The following ADNP variants were observed in gnomAD, a reference collection of about 807,000 sequenced individuals.
The protein encoded by ADNP is activity-dependent neuroprotector homeobox protein.
Under a neutral mutation model 84.9 loss-of-function variants are expected in ADNP, and 4 were observed. That is an observed-to-expected ratio of 0.05 (90% CI 0.02 to 0.11). The LOEUF (loss-of-function observed/expected upper bound fraction) is 0.11. Among genes scored for constraint, ADNP ranks in the 10% least tolerant of loss-of-function variants. The pLI is 1.00. For missense variants in ADNP, 1,132 were observed against 1,326.0 expected (o/e 0.85, Z 2.27); for synonymous variants, 554 against 468.1 (o/e 1.18, Z -2.37).
Position 50,930,978 on chromosome 20 carries a change from C to G in ADNP, c.-417G>C, listed in dbSNP as rs934685643. On this transcript the variant is annotated 5_prime_UTR_variant, in exon 1 of 6. Coordinates refer to ENST00000621696, the MANE Select transcript of ADNP (RefSeq NM_001282531.3). Reference sequence around the variant, plus strand: ...CGCTCCGGCTCGGCGGACTCCGGCTCGCGCCGCGGCCGCGGGTGCTGCCGG... The same window carrying G: ...CGCTCCGGCTCGGCGGACTCCGGCTGGCGCCGCGGCCGCGGGTGCTGCCGG... 64 of 144,492 alleles carry G rather than the reference C, an allele frequency of 4.4e-4. No individual in the cohort carries two copies. Among genetic ancestry groups the G allele is most frequent in the African/African-American group, 1.5e-3 (60 of 39,868 alleles). 9.0% of individuals were successfully genotyped at this position (144,492 alleles called of 1,614,324 possible). A position where few individuals can be genotyped will look rare whatever the true frequency, so the allele number is the denominator to read the frequency against.
chr20:50,901,444 T>C (rs1471077923), intron 5 of ADNP, among the ~76,000 whole-genome samples: 1 of 151,224 alleles, frequency 6.6e-6, no homozygotes, highest in Non-Finnish European at 1.5e-5. Context: ...TAGGTAATGG[T>C]AAAAATTAAA....
chr20:50,920,134 G>A (rs533269302), intron 2 of ADNP, among the ~76,000 whole-genome samples: 39 of 149,052 alleles, frequency 2.6e-4, no homozygotes, highest in South Asian at 1.5e-3. Flanking sequence ...AAAATTAGCC[G>A]GGCGTGGTGG....
chr20:50,905,259 T>C (rs545492949), intron 2 of ADNP: 3 of 152,202 alleles, frequency 2.0e-5, no homozygotes, highest in Non-Finnish European at 2.9e-5. Flanking sequence ...AATTTATCAA[T>C]TTAATAATCC....
chr20:50,903,515 G>A (rs1266155379), intron 4 of ADNP, among the ~76,000 whole-genome samples: 1 of 152,198 alleles, frequency 6.6e-6, no homozygotes, highest in East Asian at 1.9e-4. Flanking sequence ...CACAGACACT[G>A]CCACTTTCTC....
chr20:50,927,197 G>C (rs1984346205), intron 2 of ADNP, among the ~76,000 whole-genome samples: 1 of 152,044 alleles, frequency 6.6e-6, no homozygotes, highest in Admixed American at 6.6e-5. Flanking sequence ...TCTGGTATAA[G>C]GAGAAAAAGA....
intron 1 of ADNP, among the ~76,000 whole-genome samples, chr20:50,929,693 A>G (rs1476029375): frequency 1.3e-5 from 2 of 152,018 alleles, no homozygotes; most frequent in Non-Finnish European, 2.9e-5. Flanking sequence ...ATTTCTAAAG[A>G]AACTGTATCA....
chr20:50,889,260 T>A lies in ADNP; in HGVS notation c.*2145A>T, dbSNP rs1401816244. 6.6e-6 allele frequency: 1 copy of A among 152,170 alleles called. No individual in the cohort carries two copies. The highest frequency in any genetic ancestry group is 1.5e-5 in the Non-Finnish European group (1 of 68,026). 9.4% of individuals were successfully genotyped at this position (152,170 alleles called of 1,614,324 possible). On this transcript the variant is annotated 3_prime_UTR_variant, in exon 6 of 6. Coordinates refer to ENST00000621696, the MANE Select transcript of ADNP (RefSeq NM_001282531.3). Reference sequence around the variant, plus strand: ...CAAGCCCCGTGGTGTCTTGTACAAGTCTCATTAGTCCTCCACGTACAACTC... The same window carrying A: ...CAAGCCCCGTGGTGTCTTGTACAAGACTCATTAGTCCTCCACGTACAACTC...
At chr20:50,929,814 AAC>A (rs1296889004) in intron 1 of ADNP, among the ~76,000 whole-genome samples, 6 of 152,150 alleles carry the variant, frequency 3.9e-5, no homozygotes, top group Non-Finnish European at 8.8e-5. Flanking sequence ...TAACATGACA[AAC>A]ACAGAAACAG....
chr20:50,923,435 TAC>T (rs1443713024), intron 2 of ADNP, among the ~76,000 whole-genome samples: 2 of 152,222 alleles, frequency 1.3e-5, no homozygotes, highest in Non-Finnish European at 2.9e-5. Flanking sequence ...AGCGTTCTTG[TAC>T]CAGGTTTTGC....
chr20:50,910,246 GA>G lies in ADNP; in HGVS notation c.-89-5398del. On this transcript the variant is annotated intron_variant, in intron 2 of 5. Coordinates refer to ENST00000621696, the MANE Select transcript of ADNP (RefSeq NM_001282531.3). ...AAAAACAAAAAACACTATATGAGAA[GA>G]GTTAAACACCCTAAATTCTAGAATT... 4.6e-5 allele frequency among the ~76,000 whole-genome samples: 7 copies of G among 152,256 alleles called. 1 individual carries two copies. Among genetic ancestry groups the G allele is most frequent in the South Asian group, 2.1e-4 (1 of 4,820 alleles).
chr20:50,889,892 T>C lies in ADNP; in HGVS notation c.*1513A>G, dbSNP rs186028857. 9 of 398,404 alleles carry C rather than the reference T, an allele frequency of 2.3e-5. No individual in the cohort carries two copies. Among genetic ancestry groups the C allele is most frequent in the East Asian group, 7.1e-5 (2 of 28,070 alleles). The allele number at this position is 398,404 out of a possible 1,614,324, so 24.7% of individuals were successfully genotyped here. On this transcript the variant is annotated 3_prime_UTR_variant, in exon 6 of 6. Coordinates refer to ENST00000621696, the MANE Select transcript of ADNP (RefSeq NM_001282531.3). Reference sequence around the variant, plus strand: ...TAGCAAGAGGGCCAAGAGTGGCAAATAGAGGCAGAGCCGCCTGCACTACAG... The same window carrying C: ...TAGCAAGAGGGCCAAGAGTGGCAAACAGAGGCAGAGCCGCCTGCACTACAG...
At chr20:50,929,192 C>T (rs6096194) in intron 1 of ADNP, among the ~76,000 whole-genome samples, 98 of 152,328 alleles carry the variant, frequency 6.4e-4, no homozygotes, top group African/African-American at 2.3e-3. Context: ...TGTTTCAAAC[C>T]TTCTCCTTTA....
At chr20:50,922,280 G>A (rs1489288221) in intron 2 of ADNP, among the ~76,000 whole-genome samples, 1 of 152,076 alleles carries the variant, frequency 6.6e-6, no homozygotes, top group East Asian at 1.9e-4. Context: ...TATTCCACAA[G>A]ATGGGGGCTC....
At chr20:50,930,430 C>T (rs1984622368) in intron 1 of ADNP, among the ~76,000 whole-genome samples, 1 of 141,424 alleles carries the variant, frequency 7.1e-6, no homozygotes, top group African/African-American at 2.6e-5. Flanking sequence ...TGGGGGTGTG[C>T]GTGGGGGGGC....
chr20:50,906,277 G>C (rs1404795837), intron 2 of ADNP, among the ~76,000 whole-genome samples: 1 of 152,180 alleles, frequency 6.6e-6, no homozygotes, highest in Non-Finnish European at 1.5e-5. Context: ...GCACATGTTA[G>C]AAAAATATTT....
chr20:50,926,616 T>C (rs998514718), intron 2 of ADNP, among the ~76,000 whole-genome samples: 3 of 152,218 alleles, frequency 2.0e-5, no homozygotes, highest in African/African-American at 4.8e-5. Flanking sequence ...CACGTGATAC[T>C]TGAACTTTTC....
intron 2 of ADNP, chr20:50,909,362 T>TAAAAAAAAAAAAAAAA: frequency 1.1e-4 from 1 of 8,894 alleles, no homozygotes; most frequent in East Asian, 3.3e-3. Context: ...TAAAACTGTC[T>TAAAAAAAAAAAAAAAA]CAAAAAAAAA....
intron 2 of ADNP, among the ~76,000 whole-genome samples, chr20:50,906,220 A>G (rs549866287): frequency 4.8e-4 from 73 of 152,332 alleles, no homozygotes; most frequent in Admixed American, 1.5e-3. Flanking sequence ...AAAACAGACA[A>G]ACAAAAAACA....
At chr20:50,918,327 T>C (rs1214867963) in intron 2 of ADNP, among the ~76,000 whole-genome samples, 1 of 152,200 alleles carries the variant, frequency 6.6e-6, no homozygotes, top group Non-Finnish European at 1.5e-5. Context: ...CTTAAGCATT[T>C]GTTAATATTA....
Sources: gnomAD v4.1 joint callset for allele counts (sites outside exome capture counted in the v4.1 genomes callset) on GRCh38, gnomAD v4.1.1 for gene constraint, MANE v1.5 for transcripts, NCBI Gene and HGNC (gene_info 2026-07-23, HGNC 2026-07-21) for gene names.